The following CBLB variants were observed in gnomAD, a reference collection of about 807,000 sequenced individuals.
CBLB encodes E3 ubiquitin-protein ligase CBL-B.
In CBLB, 31 loss-of-function variants were observed where a neutral mutation model predicts 104.9. The observed-to-expected ratio is 0.30, with a 90% CI of 0.22 to 0.40. The LOEUF (loss-of-function observed/expected upper bound fraction) is 0.40. Ranked by LOEUF, CBLB falls within the 10% of genes least tolerant of loss-of-function variation. The probability of loss-of-function intolerance (pLI) is 1.00; values close to 1 mark genes in which losing one functional copy is unlikely to be tolerated. For synonymous variants in CBLB, 440 were observed against 422.6 expected (o/e 1.04, Z -0.51); for missense variants, 1,062 against 1,214.6 (o/e 0.87, Z 1.87).
At chr3:105,724,824 A>AAGC (rs1173099635) in intron 9 of CBLB, among the ~76,000 whole-genome samples, 1 of 152,160 alleles carries the variant, frequency 6.6e-6, no homozygotes, top group African/African-American at 2.4e-5. Context: ...TCTAAATATT[A>AAGC]ATTCATTTAA....
rs367966052 is a variant in CBLB, at chr3:105,806,479, C to CAAAAAA, written c.420-29943_420-29938dup. On this transcript the variant is annotated intron_variant, in intron 3 of 18. Transcript: ENST00000394030. ...GGTTTGTGACCTAATACTAAAACCT[C>CAAAAAA]AAAAAAAAAAAAAAAACAGAAATTG... Among the ~76,000 whole-genome samples, 26 of 125,024 alleles carry CAAAAAA rather than the reference C, an allele frequency of 2.1e-4. 2 individuals carry two copies. The highest frequency in any genetic ancestry group is 1.0e-3 in the South Asian group (4 of 3,882). The allele number at this position is 125,024 out of a possible 152,430, so 82.0% of individuals were successfully genotyped here.
At chr3:105,805,445 C>T (rs1577352895) in intron 3 of CBLB, among the ~76,000 whole-genome samples, 1 of 152,030 alleles carries the variant, frequency 6.6e-6, no homozygotes, top group African/African-American at 2.4e-5. Flanking sequence ...GTTGGGATTA[C>T]AGGCATGTGC....
chr3:105,869,001 C>G lies in CBLB; in HGVS notation c.-280G>C, dbSNP rs7649466. 187,891 of 1,054,432 alleles carry G rather than the reference C, an allele frequency of 0.18. 16,831 individuals carry two copies. Among genetic ancestry groups the G allele is most frequent in the East Asian group, 0.31 (2,820 of 9,108 alleles). The allele number at this position is 1,054,432 out of a possible 1,614,324, so 65.3% of individuals were successfully genotyped here. On this transcript the variant is annotated 5_prime_UTR_variant, in exon 1 of 19. Coordinates refer to ENST00000394030, the MANE Select transcript of CBLB (RefSeq NM_170662.5). ...AGCAGCACTAGCAGGAGGAGGAGAC[C>G]GCTCGCTGGACACCCCACCCCTGTG...
intron 10 of CBLB, among the ~76,000 whole-genome samples, chr3:105,718,221 A>G (rs1204867378): frequency 6.6e-6 from 1 of 152,224 alleles, no homozygotes; most frequent in Non-Finnish European, 1.5e-5. Flanking sequence ...CTATTAATAA[A>G]AACTGTATCT....
At chr3:105,819,566 A>G (rs990189682) in intron 3 of CBLB, among the ~76,000 whole-genome samples, 1 of 151,998 alleles carries the variant, frequency 6.6e-6, no homozygotes, top group Non-Finnish European at 1.5e-5. Context: ...TTTCTCCTCA[A>G]AAGTGACAAG....
chr3:105,793,220 C>T (rs1469477926), intron 3 of CBLB, among the ~76,000 whole-genome samples: 1 of 151,832 alleles, frequency 6.6e-6, no homozygotes, highest in African/African-American at 2.4e-5. Context: ...GGAGCAGCTG[C>T]AGAATCCTAC....
chr3:105,853,395 T>C lies in CBLB; in HGVS notation c.419+19A>G. On this transcript the variant is annotated intron_variant, in intron 3 of 18. Transcript: ENST00000394030. ...CATAAATGACCTTTACACCAAAACA[T>C]CTGAAATATTCTTCTTACCTGTCCT... 2 of 1,612,864 alleles carry C rather than the reference T, an allele frequency of 1.2e-6. No homozygotes were observed. The highest frequency in any genetic ancestry group is 1.7e-6 in the Non-Finnish European group (2 of 1,179,244).
intron 2 of CBLB, among the ~76,000 whole-genome samples, chr3:105,859,282 C>T (rs1271270156): frequency 1.3e-5 from 2 of 152,182 alleles, no homozygotes; most frequent in African/African-American, 2.4e-5. Flanking sequence ...AAACACGCCT[C>T]ACTTCATGGA....
Position 105,786,706 on chromosome 3 carries a change from G to A in CBLB, c.420-10164C>T, listed in dbSNP as rs368418647. ...CTAAAATTGCTTTAAACAGAAGGAGGGGTCTGGATCCTTAAATCTAGTTCA... is the reference window on the plus strand; with the variant it reads ...CTAAAATTGCTTTAAACAGAAGGAGAGGTCTGGATCCTTAAATCTAGTTCA... On this transcript the variant is annotated intron_variant, in intron 3 of 18. Transcript: ENST00000394030. Among the ~76,000 whole-genome samples the A allele has an allele frequency of 4.6e-5, 7 of 152,140 alleles. No individual in the cohort carries two copies. In the East Asian group the frequency reaches 1.3e-3, roughly 29 times the overall value.
intron 13 of CBLB, among the ~76,000 whole-genome samples, chr3:105,687,528 T>C (rs371294826): frequency 3.9e-5 from 6 of 152,168 alleles, no homozygotes; most frequent in Admixed American, 2.0e-4. Flanking sequence ...CTAGTATAAA[T>C]TGTCAACTTA....
At chr3:105,701,916 ACTTCT>A (rs1559875528) in intron 12 of CBLB, among the ~76,000 whole-genome samples, 173 bp downstream of exon 12, 2 of 152,124 alleles carry the variant, frequency 1.3e-5, no homozygotes, top group African/African-American at 4.8e-5. Flanking sequence ...GAACCTCCTG[ACTTCT>A]CTTAAGTTCA....
At chr3:105,799,070 G>T (rs1251558170) in intron 3 of CBLB, among the ~76,000 whole-genome samples, 1 of 150,762 alleles carries the variant, frequency 6.6e-6, no homozygotes, top group Non-Finnish European at 1.5e-5. Context: ...AAAGTATCTA[G>T]ATGGAAAAAT....
chr3:105,734,196 T>G, intron 8 of CBLB, 56 bp from the exon 9 acceptor site: 1 of 1,570,922 alleles, frequency 6.4e-7, no homozygotes, highest in Non-Finnish European at 8.8e-7. Flanking sequence ...GCACAAATTG[T>G]TAGTATCAAA....
rs2063389695 is a variant in CBLB, at chr3:105,656,940, C to T, written c.*2030G>A. The T allele has an allele frequency of 9.2e-6, 2 of 216,724 alleles. No homozygotes were observed. 13.4% of individuals were successfully genotyped at this position (216,724 alleles called of 1,614,324 possible). On this transcript the variant is annotated 3_prime_UTR_variant, in exon 19 of 19. Transcript: ENST00000394030. ...AATGACAAAACAGGGGTTCATAAAG[C>T]AAAAGAAAATTTGCCAATGCAATTT...
At chr3:105,732,992 G>C (rs2074485531) in intron 9 of CBLB, among the ~76,000 whole-genome samples, 1 of 152,026 alleles carries the variant, frequency 6.6e-6, no homozygotes, top group Non-Finnish European at 1.5e-5. Flanking sequence ...AATATTCCAT[G>C]ACTCCTCCAA....
intron 18 of CBLB, among the ~76,000 whole-genome samples, chr3:105,661,299 G>A (rs960869596): frequency 3.3e-5 from 5 of 151,954 alleles, no homozygotes; most frequent in East Asian, 1.9e-4. Flanking sequence ...GATAAACTGC[G>A]TTTCTTAGTA....
rs904242596 is a variant in CBLB at position 105,828,364 on chromosome 3, G to A, written c.419+25050C>T. On this transcript the variant is annotated intron_variant, in intron 3 of 18. Transcript: ENST00000394030. Reference sequence around the variant, plus strand: ...TAGGAAAGGGACAAAATGGATTTTGGAGGCAATTAGCAATCTTTAATACAG... The same window carrying A: ...TAGGAAAGGGACAAAATGGATTTTGAAGGCAATTAGCAATCTTTAATACAG... 7.2e-5 allele frequency among the ~76,000 whole-genome samples: 11 copies of A among 152,322 alleles called. No homozygotes were observed. In the South Asian group the frequency reaches 2.1e-3, roughly 29 times the overall value.
intron 3 of CBLB, among the ~76,000 whole-genome samples, chr3:105,788,323 AT>A (rs1243019794): frequency 6.6e-6 from 1 of 152,172 alleles, no homozygotes; most frequent in African/African-American, 2.4e-5. Flanking sequence ...AAGGTAATAT[AT>A]TACAACGGTG....
rs115622708 is a variant in CBLB at position 105,777,994 on chromosome 3, T to C, written c.420-1452A>G. Among the ~76,000 whole-genome samples, 818 of 152,334 alleles carry C rather than the reference T, an allele frequency of 5.4e-3. 8 individuals are homozygous for C. The highest frequency in any genetic ancestry group is 0.019 in the African/African-American group (771 of 41,574). On this transcript the variant is annotated intron_variant, in intron 3 of 18. Coordinates refer to ENST00000394030, the MANE Select transcript of CBLB (RefSeq NM_170662.5). The stretch of plus-strand genomic sequence containing the variant: ...CAGTTTCAAACAAACTTTATTTCTT[T>C]ATATTCCCTTTTGCTCAGAATGACC...
Sources: gnomAD v4.1 joint callset for allele counts (sites outside exome capture counted in the v4.1 genomes callset) on GRCh38, gnomAD v4.1.1 for gene constraint, MANE v1.5 for transcripts, NCBI Gene and HGNC (gene_info 2026-07-23, HGNC 2026-07-21) for gene names.